CEP89: variants seen among roughly 807,000 people sequenced by gnomAD.
CEP89 encodes the protein centrosomal protein 89.
CEP89 carries 95 observed loss-of-function variants against 97.6 expected under a neutral mutation model. The ratio of observed to expected loss-of-function variants is 0.97; its 90% CI spans 0.82 to 1.15. The LOEUF is 1.15. CEP89 is among the 50% of genes most tolerant of loss of function. The pLI is 0.00. For missense variants in CEP89, 869 were observed against 947.7 expected (o/e 0.92, Z 1.09); for synonymous variants, 354 against 349.1 (o/e 1.01, Z -0.16).
At chr19:32,937,066 C>A in intron 7 of CEP89, 1 of 156,316 alleles carries the variant, frequency 6.4e-6, no homozygotes, top group Non-Finnish European at 1.4e-5. Context: ...ACTGGCACCA[C>A]AGACATTTCC....
At position 32,918,278 on chromosome 19, in the gene CEP89, A is replaced by G; in HGVS notation, c.1330T>C (p.Leu444=). 3.7e-6 allele frequency: 6 copies of G among 1,614,166 alleles called. No homozygotes were observed. The highest frequency in any genetic ancestry group is 2.2e-5 in the East Asian group (1 of 44,888). Residue 444 remains leucine (L), a synonymous_variant, in exon 13 of 19, where the codon TTG becomes CTG. Coordinates refer to ENST00000305768, the MANE Select transcript of CEP89 (RefSeq NM_032816.5). The part of the protein sequence containing the change: ...LEENKLLLEQ[L]EIQQRKAKDS... ...TTGGCTTTCCTTTGCTGAATCTCCA[A>G]CTGCTCCAGCAACAACTTGTTTTCC...
intron 12 of CEP89, among the ~76,000 whole-genome samples, chr19:32,919,204 G>A (rs1312653280): frequency 6.6e-6 from 1 of 151,970 alleles, no homozygotes; most frequent in Non-Finnish European, 1.5e-5. Context: ...TCTTAAAACT[G>A]TATGAATCTG....
rs1029146156 is a variant in CEP89 at position 32,920,960 on chromosome 19, G to A, written c.1268+2479C>T. ...GGGCCAGGTGCGGTGGCTCACGCCT[G>A]TAATCCCAGCACTTTGGGAGGCCGA... is the stretch of plus-strand genomic sequence containing the variant. On this transcript the variant is annotated intron_variant, in intron 12 of 18. Coordinates refer to ENST00000305768, the MANE Select transcript of CEP89 (RefSeq NM_032816.5). Among the ~76,000 whole-genome samples the A allele has an allele frequency of 3.6e-4, 54 of 151,392 alleles. 1 individual carries two copies. The highest frequency in any genetic ancestry group is 3.3e-3 in the Admixed American group (50 of 15,180).
intron 2 of CEP89, among the ~76,000 whole-genome samples, chr19:32,965,746 A>T (rs4805835): frequency 0.9 from 136,297 of 151,304 alleles, 61,571 homozygotes; most frequent in African/African-American, 0.98. Context: ...CTGGGTGCGG[A>T]GGTTGATGCC....
intron 17 of CEP89, among the ~76,000 whole-genome samples, chr19:32,887,115 C>T (rs376487808): frequency 6.6e-6 from 1 of 151,602 alleles, no homozygotes; most frequent in Non-Finnish European, 1.5e-5. Flanking sequence ...CCACTGAGCC[C>T]GGGAGTTCGA....
intron 13 of CEP89, among the ~76,000 whole-genome samples, chr19:32,916,937 G>A (rs1237671199): frequency 6.6e-6 from 1 of 152,156 alleles, no homozygotes; most frequent in Admixed American, 6.6e-5. Context: ...GAACCTGGCA[G>A]GCGGAAGTTG....
At chr19:32,900,194 C>A (rs1351691726) in intron 15 of CEP89, among the ~76,000 whole-genome samples, 196 bp from the exon 16 acceptor site, 1 of 151,610 alleles carries the variant, frequency 6.6e-6, no homozygotes, top group Non-Finnish European at 1.5e-5. Flanking sequence ...AATTAGTGAC[C>A]CCAACTCAAG....
Position 32,879,023 on chromosome 19 carries a change from C to A in CEP89, c.*139G>T. On this transcript the variant is annotated 3_prime_UTR_variant, in exon 19 of 19. Transcript: ENST00000305768. The stretch of plus-strand genomic sequence containing the variant: ...TTATCAATGGATTAAACTATGAGAC[C>A]ATTTATTTCTTCCCTGCCCTGCAGC... 1 of 589,042 alleles carries A rather than the reference C, an allele frequency of 1.7e-6. No individual in the cohort carries two copies. Among genetic ancestry groups the A allele is most frequent in the South Asian group, 2.8e-5 (1 of 36,104 alleles). The allele number at this position is 589,042 out of a possible 1,614,324, so 36.5% of individuals were successfully genotyped here.
chr19:32,969,016 G>A (rs1415402243), intron 1 of CEP89: 1 of 152,204 alleles, frequency 6.6e-6, no homozygotes, highest in Admixed American at 6.5e-5. Context: ...GCTCTCAACA[G>A]AGAGGAGGCC....
chr19:32,916,456 G>A (rs1324786751), intron 13 of CEP89, among the ~76,000 whole-genome samples: 2 of 152,172 alleles, frequency 1.3e-5, no homozygotes, highest in African/African-American at 2.4e-5. Context: ...GTAAGTATAT[G>A]TCATAACGTT....
chr19:32,901,128 C>T, intron 15 of CEP89, 117 bp downstream of exon 15: 12 of 940,612 alleles, frequency 1.3e-5, no homozygotes, highest in Non-Finnish European at 1.8e-5. Context: ...CTCAAATGAT[C>T]GCCTGCCTCA....
chr19:32,939,169 T>C (rs990217559), intron 6 of CEP89, among the ~76,000 whole-genome samples: 13 of 152,102 alleles, frequency 8.5e-5, no homozygotes, highest in African/African-American at 3.1e-4. Context: ...AAGAATCACT[T>C]GATCCCAGGA....
chr19:32,893,752 AAAC>A (rs1376610811), intron 16 of CEP89, among the ~76,000 whole-genome samples: 1 of 152,252 alleles, frequency 6.6e-6, no homozygotes, highest in African/African-American at 2.4e-5. Context: ...TATGAAAATT[AAAC>A]AACATGTTCC....
At chr19:32,905,491 AT>A (rs71176166) in intron 14 of CEP89, among the ~76,000 whole-genome samples, 32,323 of 150,414 alleles carry the variant, frequency 0.21, 3,631 homozygotes, top group Admixed American at 0.33. Context: ...TCAAAGGAAG[AT>A]TTTTTTTTTT....
At chr19:32,909,954 C>T (rs1409265611) in intron 14 of CEP89, among the ~76,000 whole-genome samples, 1 of 152,176 alleles carries the variant, frequency 6.6e-6, no homozygotes, top group Non-Finnish European at 1.5e-5. Flanking sequence ...TAATGAAATA[C>T]CAGTCAACCT....
At chr19:32,918,884 CT>C (rs11339528) in intron 12 of CEP89, among the ~76,000 whole-genome samples, 21,633 of 115,840 alleles carry the variant, frequency 0.19, 1,210 homozygotes, top group East Asian at 0.44. Context: ...TTTTCTTTTT[CT>C]TTTTTTTTTT....
chr19:32,956,334 G>A (rs1247467086), intron 3 of CEP89, among the ~76,000 whole-genome samples: 5 of 151,416 alleles, frequency 3.3e-5, no homozygotes, highest in East Asian at 1.9e-4. Context: ...GATTACAGGC[G>A]TGAGCCACCG....
chr19:32,954,595 C>T (rs528424033), intron 3 of CEP89, among the ~76,000 whole-genome samples: 4 of 151,590 alleles, frequency 2.6e-5, no homozygotes, highest in South Asian at 4.2e-4. Context: ...TCAAGGGATC[C>T]GCCTGCCTCA....
chr19:32,951,055 T>C (rs368653496), intron 4 of CEP89, among the ~76,000 whole-genome samples: 1 of 152,214 alleles, frequency 6.6e-6, no homozygotes, highest in East Asian at 1.9e-4. Context: ...AGTAATTTTT[T>C]TTTAATCTGA....
Sources: allele counts gnomAD v4.1 joint callset (sites outside exome capture counted in the v4.1 genomes callset), GRCh38; gene constraint gnomAD v4.1.1; transcripts MANE v1.5; gene names NCBI Gene and HGNC (gene_info 2026-07-23, HGNC 2026-07-21).